Variants in PUDP observed in about 807,000 individuals in gnomAD.
The protein encoded by PUDP is pseudouridine-5'-phosphatase.
A neutral mutation model predicts 9.4 loss-of-function variants in PUDP; 8 were observed. The ratio of observed to expected loss-of-function variants is 0.85; its 90% CI spans 0.50 to 1.53. The LOEUF (loss-of-function observed/expected upper bound fraction) is 1.53. Among genes scored for constraint, PUDP ranks in the 40% most tolerant of loss-of-function variants. The pLI, the probability that PUDP is intolerant of heterozygous loss-of-function variation, is 0.00. For synonymous variants in PUDP, 99 were observed against 80.7 expected (o/e 1.23, Z -1.22); for missense variants, 188 against 189.7 (o/e 0.99, Z 0.05).
At chrX:6,972,011 G>A (rs908982490) in intron 3 of PUDP, among the ~76,000 whole-genome samples, 4 of 111,358 alleles carry the variant, frequency 3.6e-5, no homozygotes, top group East Asian at 2.8e-4. Context: ...TTGGCTCTCC[G>A]TTTGTCTATT....
chrX:6,999,756 C>A (rs1373947787), intron 1 of PUDP, among the ~76,000 whole-genome samples: 1 of 107,960 alleles, frequency 9.3e-6, no homozygotes, highest in Non-Finnish European at 1.9e-5. Context: ...TGTAACCAAA[C>A]ACCACCTGTT....
At chrX:7,104,768 G>T (rs761917160) in intron 2 of PUDP, among the ~76,000 whole-genome samples, 1 of 112,080 alleles carries the variant, frequency 8.9e-6, no homozygotes, top group Admixed American at 9.5e-5. Flanking sequence ...GTGTTTGCAT[G>T]TGTGTGTGTG....
intron 3 of PUDP, among the ~76,000 whole-genome samples, chrX:6,902,086 G>C (rs770307326): frequency 1.8e-5 from 2 of 110,794 alleles, no homozygotes; most frequent in African/African-American, 6.6e-5. Flanking sequence ...GGGTCTCACT[G>C]TATTGCCCAG....
intron 1 of PUDP, among the ~76,000 whole-genome samples, chrX:6,720,258 G>GTGTATATATA (rs1555907522): frequency 2.2e-3 from 105 of 48,782 alleles, no homozygotes; most frequent in African/African-American, 4.9e-3. Flanking sequence ...GTGTGTGTGT[G>GTGTATATATA]TATATATATA....
intron 2 of PUDP, chrX:7,084,917 C>T (rs1285627559): frequency 9.0e-6 from 1 of 111,608 alleles, no homozygotes; most frequent in African/African-American, 3.3e-5. Context: ...TCCGGTTATC[C>T]GAGTTCATGG....
intron 3 of PUDP, among the ~76,000 whole-genome samples, chrX:6,803,188 C>A (rs768285308): frequency 9.0e-6 from 1 of 110,790 alleles, no homozygotes; most frequent in Non-Finnish European, 1.9e-5. Context: ...TCAGAGGCCA[C>A]GACGAGACCC....
chrX:6,868,307 A>G (rs929778403), intron 3 of PUDP, among the ~76,000 whole-genome samples: 9 of 112,364 alleles, frequency 8.0e-5, no homozygotes, highest in African/African-American at 2.6e-4. Context: ...TCTCAGACAC[A>G]GTGACATTTA....
chrX:6,890,924 C>T (rs1050532103), intron 3 of PUDP, among the ~76,000 whole-genome samples: 1 of 74,135 alleles, frequency 1.3e-5, no homozygotes, highest in Non-Finnish European at 2.4e-5. Flanking sequence ...CATGATGAGG[C>T]CTCATCTCTC....
At chrX:6,829,073 G>A (rs1926466972) in intron 3 of PUDP, among the ~76,000 whole-genome samples, 1 of 110,600 alleles carries the variant, frequency 9.0e-6, no homozygotes, top group Non-Finnish European at 1.9e-5. Context: ...AAAGAGATTC[G>A]TGCACTTAGA....
intron 3 of PUDP, among the ~76,000 whole-genome samples, chrX:6,911,265 A>G (rs1927845952): frequency 9.4e-6 from 1 of 106,486 alleles, no homozygotes; most frequent in African/African-American, 3.5e-5. Flanking sequence ...GTATGATCTC[A>G]GCTCACTGCA....
intron 3 of PUDP, among the ~76,000 whole-genome samples, chrX:6,914,601 G>A (rs1602671044): frequency 8.9e-6 from 1 of 111,989 alleles, no homozygotes; most frequent in East Asian, 2.8e-4. Flanking sequence ...CAGGAACAAT[G>A]GTGGCCGTCT....
chrX:6,766,501 A>C (rs762884350), intron 3 of PUDP, among the ~76,000 whole-genome samples: 40 of 111,925 alleles, frequency 3.6e-4, no homozygotes, highest in African/African-American at 1.3e-3. Context: ...GAAGTGGTAA[A>C]ATGGTGACAT....
At chrX:7,003,438 A>AT (rs1929356641) in intron 1 of PUDP, among the ~76,000 whole-genome samples, 1 of 111,425 alleles carries the variant, frequency 9.0e-6, no homozygotes, top group South Asian at 3.8e-4. Flanking sequence ...TTCCCTGATC[A>AT]TTTTTGCAAG....
chrX:6,976,370 G>C (rs1928956397), intron 3 of PUDP, among the ~76,000 whole-genome samples: 1 of 111,953 alleles, frequency 8.9e-6, no homozygotes, highest in African/African-American at 3.2e-5. Context: ...GGGTTGCAAA[G>C]ACCATGGGAA....
At chrX:6,748,937 A>G (rs906646752) in intron 3 of PUDP, among the ~76,000 whole-genome samples, 1 of 111,112 alleles carries the variant, frequency 9.0e-6, no homozygotes, top group Non-Finnish European at 1.9e-5. Flanking sequence ...ATTCTTAGAA[A>G]GGTTGGCGAT....
chrX:6,732,606 GGGAAGGAGGGAGGGAGGGAGGAAGAGA>G (rs1924823065), intron 3 of PUDP, among the ~76,000 whole-genome samples: 1 of 103,222 alleles, frequency 9.7e-6, no homozygotes, highest in South Asian at 4.9e-4. Flanking sequence ...GAGAAGGGAA[GGGAAGGAGGGAGGGAGGGAGGAAGAGA>G]GGAAGGAGGG....
At chrX:6,847,825 G>A (rs1569110313) in intron 3 of PUDP, among the ~76,000 whole-genome samples, 3 of 112,041 alleles carry the variant, frequency 2.7e-5, no homozygotes, top group Non-Finnish European at 1.9e-5. Flanking sequence ...TATTGGTCTT[G>A]GGTGGCCTTG....
At chrX:7,063,482 T>C (rs1424406499) in intron 3 of PUDP, among the ~76,000 whole-genome samples, 1 of 111,727 alleles carries the variant, frequency 9.0e-6, no homozygotes, top group Middle Eastern at 4.7e-3. Flanking sequence ...TTACTAACCA[T>C]ACTTGACTTT....
At chrX:6,782,525 G>A (rs1925580968) in intron 3 of PUDP, among the ~76,000 whole-genome samples, 1 of 111,387 alleles carries the variant, frequency 9.0e-6, no homozygotes, top group Non-Finnish European at 1.9e-5. Flanking sequence ...AGCAGAAATC[G>A]CACCACTGCA....
Sources: gnomAD v4.1 joint callset for allele counts (sites outside exome capture counted in the v4.1 genomes callset) on GRCh38, gnomAD v4.1.1 for gene constraint, MANE v1.5 for transcripts, NCBI Gene and HGNC (gene_info 2026-07-23, HGNC 2026-07-21) for gene names.